ATE1: variants seen among roughly 807,000 people sequenced by gnomAD.
ATE1 encodes the protein arginyltransferase 1, also known as arginyl-tRNA--protein transferase 1.
In ATE1, 36 loss-of-function variants were observed where a neutral mutation model predicts 70.5. That is an observed-to-expected ratio of 0.51 (90% CI 0.39 to 0.67). The LOEUF is 0.67. Among genes scored for constraint, ATE1 ranks in the 30% least tolerant of loss-of-function variants. The pLI is 0.00. For missense variants in ATE1, 593 were observed against 629.5 expected (o/e 0.94, Z 0.62); for synonymous variants, 232 against 219.3 (o/e 1.06, Z -0.51).
chr10:121,827,457 G>C (rs558709263), intron 10 of ATE1, among the ~76,000 whole-genome samples: 7 of 152,312 alleles, frequency 4.6e-5, no homozygotes, highest in Non-Finnish European at 7.4e-5. Flanking sequence ...ACTGCGGACA[G>C]CAGCCAGAAA....
intron 2 of ATE1, among the ~76,000 whole-genome samples, chr10:121,923,132 C>G (rs949290534): frequency 1.3e-5 from 2 of 152,200 alleles, no homozygotes; most frequent in Non-Finnish European, 2.9e-5. Flanking sequence ...AAAACAAATT[C>G]CTTCACATTT....
intron 10 of ATE1, among the ~76,000 whole-genome samples, chr10:121,822,389 T>A (rs1271933252): frequency 2.0e-5 from 3 of 152,198 alleles, no homozygotes; most frequent in Non-Finnish European, 4.4e-5. Flanking sequence ...GATGGGACCA[T>A]AACCAAGGAT....
At chr10:121,765,129 A>G (rs2173243) in intron 11 of ATE1, among the ~76,000 whole-genome samples, 116,419 of 152,086 alleles carry the variant, frequency 0.77, 44,738 homozygotes, top group Non-Finnish European at 0.78. Context: ...CGCTGGCAGG[A>G]CACTGCTTAC....
At chr10:121,841,709 T>A (rs1353145639) in intron 8 of ATE1, among the ~76,000 whole-genome samples, 1 of 152,152 alleles carries the variant, frequency 6.6e-6, no homozygotes, top group African/African-American at 2.4e-5. Flanking sequence ...AAGAGGGAGC[T>A]AAGCTATGAG....
chr10:121,883,202 T>A (rs1049493895), intron 7 of ATE1, among the ~76,000 whole-genome samples: 1 of 152,102 alleles, frequency 6.6e-6, no homozygotes, highest in African/African-American at 2.4e-5. Flanking sequence ...CCTGCTAACC[T>A]TCTGTATAAT....
At chr10:121,894,299 G>C (rs1036962610) in intron 7 of ATE1, among the ~76,000 whole-genome samples, 2 of 152,008 alleles carry the variant, frequency 1.3e-5, no homozygotes, top group African/African-American at 4.8e-5. Flanking sequence ...TTCTCCCTAT[G>C]GACTTTAAAA....
At chr10:121,887,375 C>T (rs1220137146) in intron 7 of ATE1, among the ~76,000 whole-genome samples, 2 of 152,174 alleles carry the variant, frequency 1.3e-5, no homozygotes, top group African/African-American at 4.8e-5. Flanking sequence ...GATATCGCCT[C>T]CTATTTCCAT....
At chr10:121,806,845 T>C (rs949530221) in intron 10 of ATE1, among the ~76,000 whole-genome samples, 1 of 152,252 alleles carries the variant, frequency 6.6e-6, no homozygotes, top group Non-Finnish European at 1.5e-5. Context: ...TTCATTATGC[T>C]GTTCTTTCAA....
intron 7 of ATE1, among the ~76,000 whole-genome samples, chr10:121,871,528 G>A (rs1381219037): frequency 2.6e-5 from 4 of 151,836 alleles, no homozygotes; most frequent in African/African-American, 9.7e-5. Context: ...AAGAGATTAG[G>A]GTTCATTACG....
intron 1 of ATE1, chr10:121,926,650 T>C (rs1952103626): frequency 9.3e-6 from 8 of 858,902 alleles, no homozygotes; most frequent in Non-Finnish European, 9.8e-6. Flanking sequence ...ATGTAACTTA[T>C]TGATTTGATA....
Position 121,927,883 on chromosome 10 carries a change from A to C in ATE1, c.67T>G (p.Cys23Gly). 6.3e-7 allele frequency: 1 copy of C among 1,591,222 alleles called. No homozygotes were observed. Among genetic ancestry groups the C allele is most frequent in the Non-Finnish European group, 8.5e-7 (1 of 1,171,662 alleles). The change falls in exon 1 of 12, where the codon TGC becomes GGC. Residue 23 changes from cysteine to glycine, a missense_variant. By Grantham distance (159) the Cys-to-Gly change is radical (BLOSUM62 -3). Around this residue, in one of 3 missense-constraint regions of ATE1, gnomAD observed 467 missense variants for 469.6 expected, o/e 0.99. Coordinates refer to ENST00000224652, the MANE Select transcript of ATE1 (RefSeq NM_001001976.3). The part of the protein sequence containing the change: ...DYFPSEDFYR[C>G]GYCKNESGSR... Reference sequence around the variant, plus strand: ...CCCGACTCGTTCTTGCAGTAGCCGCAGCGGTAGAAGTCCTCGCTAGGGAAA... The same window carrying C: ...CCCGACTCGTTCTTGCAGTAGCCGCCGCGGTAGAAGTCCTCGCTAGGGAAA...
At chr10:121,865,690 C>G (rs1048196791) in intron 8 of ATE1, among the ~76,000 whole-genome samples, 1 of 152,106 alleles carries the variant, frequency 6.6e-6, no homozygotes, top group South Asian at 2.1e-4. Context: ...CCTGACTTGA[C>G]GAGGTGATAA....
chr10:121,866,490 A>T (rs1949667339), intron 8 of ATE1, among the ~76,000 whole-genome samples: 1 of 152,216 alleles, frequency 6.6e-6, no homozygotes, highest in Non-Finnish European at 1.5e-5. Context: ...CTTTTCACCA[A>T]AGAGTGAAAC....
At chr10:121,801,759 A>G (rs1045631012) in intron 10 of ATE1, among the ~76,000 whole-genome samples, 1 of 152,164 alleles carries the variant, frequency 6.6e-6, no homozygotes, top group Non-Finnish European at 1.5e-5. Context: ...ACCCTAGCTG[A>G]GGCCACCCTC....
Position 121,767,204 on chromosome 10 carries a change from G to A in ATE1, c.1378+22965C>T, listed in dbSNP as rs149170135. Among the ~76,000 whole-genome samples, 256 of 152,160 alleles carry A rather than the reference G, an allele frequency of 1.7e-3. 1 individual carries two copies. Among genetic ancestry groups the A allele is most frequent in the African/African-American group, 5.9e-3 (244 of 41,510 alleles). ...CTGACACAATTCAGCAACCACTCAC[G>A]ATAAAAACTCTCAGAAAACGAGGAG... is the stretch of plus-strand genomic sequence containing the variant. On this transcript the variant is annotated intron_variant, in intron 11 of 11. Coordinates refer to ENST00000224652, the MANE Select transcript of ATE1 (RefSeq NM_001001976.3).
Position 121,898,894 on chromosome 10 carries a change from T to G in ATE1, c.942+972A>C, listed in dbSNP as rs564872295. On this transcript the variant is annotated intron_variant, in intron 7 of 11. Transcript: ENST00000224652. ...TCCTGGTGTATGGCCACTTGATACT[T>G]GACATACAAAGAAAAGGACTGGCTG... 17 of 1,613,976 alleles carry G rather than the reference T, an allele frequency of 1.1e-5. No homozygotes were observed. The African/African-American group carries it at 2.3e-4, about 22-fold the overall frequency.
intron 8 of ATE1, among the ~76,000 whole-genome samples, chr10:121,857,659 T>A (rs1436352699): frequency 6.6e-6 from 1 of 152,212 alleles, no homozygotes; most frequent in African/African-American, 2.4e-5. Context: ...CATACATTCA[T>A]CATAGCTCTA....
chr10:121,804,902 A>G (rs1326256753), intron 10 of ATE1, among the ~76,000 whole-genome samples: 4 of 152,078 alleles, frequency 2.6e-5, no homozygotes, highest in Non-Finnish European at 5.9e-5. Flanking sequence ...CATGCTTACT[A>G]ACTTCTTTTT....
intron 7 of ATE1, among the ~76,000 whole-genome samples, chr10:121,884,332 G>A (rs372874971): frequency 2.0e-4 from 30 of 152,046 alleles, no homozygotes; most frequent in South Asian, 1.7e-3. Context: ...TTAAATGTTG[G>A]CTTGGCACAG....
Sources: allele counts gnomAD v4.1 joint callset (sites outside exome capture counted in the v4.1 genomes callset), GRCh38; gene constraint gnomAD v4.1.1; regional missense constraint gnomAD v4.1.1; transcripts MANE v1.5; gene names NCBI Gene and HGNC (gene_info 2026-07-23, HGNC 2026-07-21).